The following ELMO1 variants were observed in gnomAD, a reference collection of about 807,000 sequenced individuals.
ELMO1 encodes the protein engulfment and cell motility protein 1.
A neutral mutation model predicts 98.9 loss-of-function variants in ELMO1; 26 were observed. The ratio of observed to expected loss-of-function variants is 0.26; its 90% CI spans 0.19 to 0.36. The LOEUF (loss-of-function observed/expected upper bound fraction) is 0.36. ELMO1 is among the 10% of genes least tolerant of loss of function. The pLI is 1.00. For synonymous variants in ELMO1, 346 were observed against 346.0 expected (o/e 1.00, Z 0.00); for missense variants, 627 against 935.2 (o/e 0.67, Z 4.30).
chr7:37,397,127 T>C (rs2131442637), intron 1 of ELMO1, among the ~76,000 whole-genome samples: 1 of 152,354 alleles, frequency 6.6e-6, no homozygotes, highest in East Asian at 1.9e-4. Context: ...GGTTAGAATG[T>C]CTGCAAAATA....
At chr7:37,426,429 C>G (rs1804712363) in intron 1 of ELMO1, among the ~76,000 whole-genome samples, 1 of 152,084 alleles carries the variant, frequency 6.6e-6, no homozygotes, top group African/African-American at 2.4e-5. Flanking sequence ...TGCTGGGTTA[C>G]AGGTGTGAGC....
chr7:37,066,501 A>C (rs1796974209), intron 15 of ELMO1, among the ~76,000 whole-genome samples: 2 of 152,194 alleles, frequency 1.3e-5, no homozygotes, highest in African/African-American at 4.8e-5. Flanking sequence ...TCATTCTCCA[A>C]AGAAGGCACT....
chr7:36,977,539 A>T (rs1790661327), intron 16 of ELMO1, among the ~76,000 whole-genome samples: 1 of 152,262 alleles, frequency 6.6e-6, no homozygotes. Context: ...CAACAGTTCT[A>T]GATCACTTTA....
At chr7:37,202,422 T>A (rs1792348924) in intron 13 of ELMO1, among the ~76,000 whole-genome samples, 1 of 152,220 alleles carries the variant, frequency 6.6e-6, no homozygotes. Context: ...TCCAAGAGAC[T>A]GCACCACATT....
intron 8 of ELMO1, among the ~76,000 whole-genome samples, chr7:37,226,469 TCAGG>T (rs1272539846): frequency 3.3e-5 from 5 of 152,168 alleles, no homozygotes; most frequent in Non-Finnish European, 4.4e-5. Flanking sequence ...CACACTGTGT[TCAGG>T]GTTTAATACT....
intron 1 of ELMO1, among the ~76,000 whole-genome samples, chr7:37,426,384 AC>A (rs1001481009): frequency 6.6e-6 from 1 of 151,552 alleles, no homozygotes; most frequent in African/African-American, 2.4e-5. Flanking sequence ...CGAACTCCTG[AC>A]CTCAGGCGAT....
At chr7:36,908,683 TAAG>T (rs1482540429) in intron 16 of ELMO1, among the ~76,000 whole-genome samples, 1 of 152,250 alleles carries the variant, frequency 6.6e-6, no homozygotes, top group African/African-American at 2.4e-5. Context: ...ACTTCTTATT[TAAG>T]AAGAGCGTAC....
At position 37,069,727 on chromosome 7, in the gene ELMO1, C is replaced by T. The variant is rs182966588; in HGVS notation, c.1300+26892G>A. 6.8e-4 allele frequency among the ~76,000 whole-genome samples: 104 copies of T among 152,270 alleles called. No individual in the cohort carries two copies. The Middle Eastern group carries it at 0.01, about 15-fold the overall frequency. Reference sequence around the variant, plus strand: ...ACTAAAAGTTGATGAGAAAATGGGTCTCAGAATTAGTAATAAACTTTGCTA... The same window carrying T: ...ACTAAAAGTTGATGAGAAAATGGGTTTCAGAATTAGTAATAAACTTTGCTA... On this transcript the variant is annotated intron_variant, in intron 15 of 21. Transcript: ENST00000310758.
At chr7:36,942,002 A>G (rs1274234448) in intron 16 of ELMO1, among the ~76,000 whole-genome samples, 3 of 152,258 alleles carry the variant, frequency 2.0e-5, no homozygotes, top group African/African-American at 7.2e-5. Context: ...GTAAGCTAGC[A>G]TCACCTTAGC....
intron 2 of ELMO1, among the ~76,000 whole-genome samples, chr7:37,340,744 T>C (rs1397555181): frequency 6.6e-6 from 1 of 152,130 alleles, no homozygotes; most frequent in Non-Finnish European, 1.5e-5. Flanking sequence ...AATTTAAAAA[T>C]ATATATATTA....
At chr7:37,179,034 T>C (rs1425342752) in intron 13 of ELMO1, among the ~76,000 whole-genome samples, 1 of 152,180 alleles carries the variant, frequency 6.6e-6, no homozygotes, top group African/African-American at 2.4e-5. Context: ...TTTTGATAAA[T>C]ATACTTTGTG....
At chr7:37,122,891 C>A (rs1478795054) in intron 14 of ELMO1, among the ~76,000 whole-genome samples, 3 of 152,136 alleles carry the variant, frequency 2.0e-5, no homozygotes, top group Non-Finnish European at 2.9e-5. Flanking sequence ...AGAAGTAAAG[C>A]ACTCCTCAGC....
At chr7:37,183,473 G>T (rs111473775) in intron 13 of ELMO1, among the ~76,000 whole-genome samples, 1 of 152,128 alleles carries the variant, frequency 6.6e-6, no homozygotes. Flanking sequence ...TTATTTGTTC[G>T]TGCACTACAC....
intron 1 of ELMO1, among the ~76,000 whole-genome samples, chr7:37,431,632 G>T (rs1023286571): frequency 6.6e-6 from 1 of 152,116 alleles, no homozygotes; most frequent in Non-Finnish European, 1.5e-5. Context: ...ATAGGACCCT[G>T]GTACACTGCC....
intron 8 of ELMO1, among the ~76,000 whole-genome samples, chr7:37,226,377 C>T (rs1196111713): frequency 3.9e-5 from 6 of 152,150 alleles, no homozygotes; most frequent in Non-Finnish European, 7.3e-5. Flanking sequence ...TCGCAGTCTG[C>T]TCCAATCCAC....
chr7:36,998,619 A>G (rs573928646), intron 16 of ELMO1, among the ~76,000 whole-genome samples: 12 of 152,258 alleles, frequency 7.9e-5, no homozygotes, highest in Non-Finnish European at 1.8e-4. Flanking sequence ...AAAATTTTTA[A>G]GGAGAGAGTG....
At chr7:37,286,961 G>A (rs545143646) in intron 4 of ELMO1, among the ~76,000 whole-genome samples, 28 of 152,296 alleles carry the variant, frequency 1.8e-4, no homozygotes, top group African/African-American at 6.5e-4. Flanking sequence ...TTGGGAGGTG[G>A]AGGCGGGCAG....
intron 7 of ELMO1, among the ~76,000 whole-genome samples, chr7:37,233,406 A>G (rs1268337497): frequency 2.0e-5 from 3 of 152,158 alleles, no homozygotes. Flanking sequence ...GATGAGGTCA[A>G]CCAGGGCTTC....
intron 14 of ELMO1, among the ~76,000 whole-genome samples, chr7:37,119,507 G>A (rs1427093186): frequency 6.6e-6 from 1 of 152,044 alleles, no homozygotes; most frequent in Admixed American, 6.6e-5. Flanking sequence ...ACTATTTTTT[G>A]TAAGTATGAT....
Sources: allele counts gnomAD v4.1 joint callset (sites outside exome capture counted in the v4.1 genomes callset), GRCh38; gene constraint gnomAD v4.1.1; transcripts MANE v1.5; gene names NCBI Gene and HGNC (gene_info 2026-07-23, HGNC 2026-07-21).